GABRG2: variants seen among roughly 807,000 people sequenced by gnomAD.
GABRG2 encodes gamma-aminobutyric acid type A receptor subunit gamma2.
GABRG2 carries 16 observed loss-of-function variants against 56.4 expected under a neutral mutation model. The ratio of observed to expected loss-of-function variants is 0.28; its 90% CI spans 0.19 to 0.43. The LOEUF (loss-of-function observed/expected upper bound fraction) is 0.43. GABRG2 is among the 20% of genes least tolerant of loss of function. The pLI is 1.00. For synonymous variants in GABRG2, 208 were observed against 205.5 expected, an observed-to-expected ratio of 1.01 and a Z score of -0.10; for missense variants, 327 against 582.7, an observed-to-expected ratio of 0.56 and a Z score of 4.52.
intron 4 of GABRG2, chr5:162,100,169 A>G (rs553413576): frequency 8.5e-5 from 13 of 152,236 alleles, no homozygotes; most frequent in African/African-American, 2.6e-4. Context: ...TTATTAAATG[A>G]GGAAGCAATT....
intron 5 of GABRG2, chr5:162,103,312 G>A (rs1474024402): frequency 1.3e-5 from 2 of 155,216 alleles, no homozygotes; most frequent in Admixed American, 6.3e-5. Context: ...CTTCCTCTTA[G>A]CATTTCTACT....
At chr5:162,116,953 A>G (rs1762665044) in intron 6 of GABRG2, among the ~76,000 whole-genome samples, 1 of 152,168 alleles carries the variant, frequency 6.6e-6, no homozygotes, top group Non-Finnish European at 1.5e-5. Context: ...ATCATGTGCC[A>G]GGATAAGTTA....
In GABRG2 at chr5:162,078,394, TATA is replaced by T. The variant is rs1301599196; in HGVS notation, c.107+10289_107+10291del. Among the ~76,000 whole-genome samples the T allele has an allele frequency of 9.4e-3, 297 of 31,734 alleles. 20 individuals are homozygous for T. The highest frequency in any genetic ancestry group is 0.032 in the African/African-American group (225 of 6,938). 20.8% of individuals were successfully genotyped at this position (31,734 alleles called of 152,430 possible). ...CTATATATATATATATATATATATA[TATA>T]TTTTTTTTTTTTTTTTTTTTTTTTT... is the stretch of plus-strand genomic sequence containing the variant. On this transcript the variant is annotated intron_variant, in intron 1 of 9. Coordinates refer to ENST00000639213, the MANE Select transcript of GABRG2 (RefSeq NM_198904.4).
intron 1 of GABRG2, chr5:162,083,465 A>G: frequency 6.2e-6 from 1 of 162,102 alleles, no homozygotes; most frequent in Non-Finnish European, 1.4e-5. Context: ...AAAAATCAAA[A>G]GTTTTATCGG....
chr5:162,129,558 GAATCATT>G (rs1763574604), intron 6 of GABRG2, among the ~76,000 whole-genome samples: 1 of 151,600 alleles, frequency 6.6e-6, no homozygotes, highest in African/African-American at 2.4e-5. Context: ...AACACCATAG[GAATCATT>G]TATTTAATCC....
intron 6 of GABRG2, among the ~76,000 whole-genome samples, chr5:162,126,587 C>T (rs1763356311): frequency 6.6e-6 from 1 of 151,940 alleles, no homozygotes; most frequent in Admixed American, 6.6e-5. Context: ...TTCACATCGT[C>T]CCCAGGAGTA....
chr5:162,137,857 TC>T (rs1764250224), intron 6 of GABRG2, among the ~76,000 whole-genome samples: 1 of 151,528 alleles, frequency 6.6e-6, no homozygotes, highest in South Asian at 2.1e-4. Context: ...GCTCAAGGGA[TC>T]CTCCCACCTC....
rs370994349 is a variant in GABRG2, at chr5:162,115,908, C to A, written c.769+11882C>A. Reference sequence around the variant, plus strand: ...GTGAAGCACTTTCTATACATCAGCTCATTCATTTTTCACAGCCATTCCATA... The same window carrying A: ...GTGAAGCACTTTCTATACATCAGCTAATTCATTTTTCACAGCCATTCCATA... On this transcript the variant is annotated intron_variant, in intron 6 of 9. Coordinates refer to ENST00000639213, the MANE Select transcript of GABRG2 (RefSeq NM_198904.4). Among the ~76,000 whole-genome samples, 4 of 152,096 alleles carry A rather than the reference C, an allele frequency of 2.6e-5. No individual in the cohort carries two copies. In the South Asian group the frequency reaches 8.3e-4, roughly 32 times the overall value.
At chr5:162,136,273 C>T (rs1185430432) in intron 6 of GABRG2, among the ~76,000 whole-genome samples, 2 of 152,218 alleles carry the variant, frequency 1.3e-5, no homozygotes, top group South Asian at 2.1e-4. Flanking sequence ...TAGCACTGTC[C>T]AATTGAATGT....
intron 6 of GABRG2, among the ~76,000 whole-genome samples, chr5:162,136,569 T>A (rs1378462828): frequency 6.6e-6 from 1 of 151,850 alleles, no homozygotes; most frequent in Non-Finnish European, 1.5e-5. Flanking sequence ...GGAGAGATGA[T>A]GGCAGGAAGA....
At chr5:162,105,237 G>A (rs978901293) in intron 6 of GABRG2, among the ~76,000 whole-genome samples, 1 of 152,072 alleles carries the variant, frequency 6.6e-6, no homozygotes, top group Non-Finnish European at 1.5e-5. Flanking sequence ...ACTTTCAAAA[G>A]TACCATCCTT....
chr5:162,119,518 T>G (rs928902335), intron 6 of GABRG2, among the ~76,000 whole-genome samples: 4 of 152,174 alleles, frequency 2.6e-5, no homozygotes, highest in Non-Finnish European at 4.4e-5. Context: ...CTTTTAGAGA[T>G]AAGTTTCTTG....
intron 1 of GABRG2, among the ~76,000 whole-genome samples, chr5:162,092,569 G>A (rs1760684383): frequency 6.6e-6 from 1 of 152,050 alleles, no homozygotes; most frequent in Admixed American, 6.6e-5. Context: ...GTGCATTCAT[G>A]TGTACACACA....
chr5:162,104,223 A>C (rs1314618807), intron 6 of GABRG2, among the ~76,000 whole-genome samples, 197 bp downstream of exon 6: 2 of 152,196 alleles, frequency 1.3e-5, no homozygotes, highest in African/African-American at 4.8e-5. Context: ...CCAATATGGG[A>C]AAATTGGATT....
Position 162,153,499 on chromosome 5 carries a change from T to TTACC in GABRG2, c.*131_*132insTACC. ...AATCTGTTTCTATGTCCAAACCTGG[T>TTACC]AAATTTTATAATGTCATATTGTTTG... On this transcript the variant is annotated 3_prime_UTR_variant, in exon 10 of 10. Coordinates refer to ENST00000639213, the MANE Select transcript of GABRG2 (RefSeq NM_198904.4). 9.1e-7 allele frequency: 1 copy of TTACC among 1,104,114 alleles called. No individual in the cohort carries two copies. Among genetic ancestry groups the TTACC allele is most frequent in the Non-Finnish European group, 1.4e-6 (1 of 730,234 alleles). The allele number at this position is 1,104,114 out of a possible 1,614,324, so 68.4% of individuals were successfully genotyped here. A position where few individuals can be genotyped will look rare whatever the true frequency, so the allele number is the denominator to read the frequency against.
At chr5:162,081,529 A>G (rs769831503) in intron 1 of GABRG2, among the ~76,000 whole-genome samples, 4 of 152,120 alleles carry the variant, frequency 2.6e-5, no homozygotes, top group South Asian at 4.1e-4. Flanking sequence ...ACTCCTTAAA[A>G]CTGATCTGTT....
chr5:162,093,060 AT>A (rs1282885574), intron 1 of GABRG2, among the ~76,000 whole-genome samples: 1 of 152,046 alleles, frequency 6.6e-6, no homozygotes, highest in African/African-American at 2.4e-5. Context: ...AGGGTTTCTG[AT>A]AGGTTTGGGC....
At chr5:162,106,556 T>C (rs957406021) in intron 6 of GABRG2, among the ~76,000 whole-genome samples, 4 of 152,194 alleles carry the variant, frequency 2.6e-5, no homozygotes, top group Non-Finnish European at 4.4e-5. Flanking sequence ...AATGAATGTC[T>C]ACAAGGAAGT....
At chr5:162,091,012 C>G (rs1327981957) in intron 1 of GABRG2, among the ~76,000 whole-genome samples, 2 of 152,076 alleles carry the variant, frequency 1.3e-5, no homozygotes, top group African/African-American at 4.8e-5. Context: ...AAAAGAAGTT[C>G]CTTTTTTTAA....
Sources: allele counts gnomAD v4.1 joint callset (sites outside exome capture counted in the v4.1 genomes callset), GRCh38; gene constraint gnomAD v4.1.1; transcripts MANE v1.5; gene names NCBI Gene and HGNC (gene_info 2026-07-23, HGNC 2026-07-21).